The following FAF1 variants were observed in gnomAD, a reference collection of about 807,000 sequenced individuals.
FAF1 encodes the protein FAS-associated factor 1.
FAF1 carries 25 observed loss-of-function variants against 92.5 expected under a neutral mutation model. The observed-to-expected ratio is 0.27, with a 90% CI of 0.20 to 0.38. FAF1 has a LOEUF of 0.38. Among genes scored for constraint, FAF1 ranks in the 10% least tolerant of loss-of-function variants. The probability of loss-of-function intolerance (pLI) is 1.00; values close to 1 mark genes in which losing one functional copy is unlikely to be tolerated. For synonymous variants in FAF1, 234 were observed against 273.2 expected (o/e 0.86, Z 1.42); for missense variants, 636 against 793.3 (o/e 0.80, Z 2.38).
chr1:50,927,258 A>G (rs1382624217), intron 1 of FAF1, among the ~76,000 whole-genome samples: 1 of 152,202 alleles, frequency 6.6e-6, no homozygotes, highest in Non-Finnish European at 1.5e-5. Flanking sequence ...TATGTTATGT[A>G]TATTTTACCA....
In FAF1 at chr1:50,959,979, G is replaced by C. The variant is rs909674304; in HGVS notation, c.-168C>G. 1 of 391,500 alleles carries C rather than the reference G, an allele frequency of 2.6e-6. No homozygotes were observed. Among genetic ancestry groups the C allele is most frequent in the Non-Finnish European group, 4.4e-6 (1 of 225,794 alleles). The allele number at this position is 391,500 out of a possible 1,614,324, so 24.3% of individuals were successfully genotyped here. A position where few individuals can be genotyped will look rare whatever the true frequency, so the allele number is the denominator to read the frequency against. On this transcript the variant is annotated 5_prime_UTR_variant, in exon 1 of 19. Coordinates refer to ENST00000396153, the MANE Select transcript of FAF1 (RefSeq NM_007051.3). ...GCCAGCGGGCGGGGCAGCGCGGGAA[G>C]CGCTAGGCGCTCATGCACTCGGTAA...
intron 7 of FAF1, among the ~76,000 whole-genome samples, chr1:50,696,698 T>A (rs1005817788): frequency 1.3e-5 from 2 of 152,140 alleles, no homozygotes; most frequent in African/African-American, 4.8e-5. Flanking sequence ...ACAAACAGAA[T>A]TGGTTTCTCT....
chr1:50,721,289 G>C (rs1311698587), intron 6 of FAF1, among the ~76,000 whole-genome samples: 7 of 151,634 alleles, frequency 4.6e-5, no homozygotes, highest in African/African-American at 1.2e-4. Flanking sequence ...ATCTCTGCTC[G>C]CTGCAACCTC....
intron 1 of FAF1, among the ~76,000 whole-genome samples, chr1:50,947,560 A>G (rs1645180461): frequency 6.6e-6 from 1 of 152,282 alleles, no homozygotes; most frequent in Non-Finnish European, 1.5e-5. Context: ...TGACTTGAAA[A>G]TAAAATGTAT....
chr1:50,848,943 TAAG>T (rs1284795241), intron 2 of FAF1, among the ~76,000 whole-genome samples: 1 of 152,156 alleles, frequency 6.6e-6, no homozygotes, highest in African/African-American at 2.4e-5. Context: ...AATAGTCAGA[TAAG>T]GTCAGTAGTT....
At chr1:50,463,961 G>C (rs1210281413) in intron 18 of FAF1, among the ~76,000 whole-genome samples, 1 of 152,190 alleles carries the variant, frequency 6.6e-6, no homozygotes, top group East Asian at 1.9e-4. Flanking sequence ...GTAATGTTGA[G>C]AGAAGACAGA....
At chr1:50,607,905 A>T (rs755703764) in intron 8 of FAF1, among the ~76,000 whole-genome samples, 49 of 152,330 alleles carry the variant, frequency 3.2e-4, no homozygotes, top group Non-Finnish European at 6.8e-4. Context: ...GCGAGTCCCA[A>T]AACTAGGGCT....
chr1:50,749,842 G>A (rs1052583512), intron 4 of FAF1, among the ~76,000 whole-genome samples: 1 of 151,576 alleles, frequency 6.6e-6, no homozygotes, highest in African/African-American at 2.4e-5. Context: ...TCTGCAAAGT[G>A]GAAATGACAA....
chr1:50,951,217 G>A (rs930369696), intron 1 of FAF1, among the ~76,000 whole-genome samples: 18 of 152,186 alleles, frequency 1.2e-4, no homozygotes, highest in African/African-American at 2.9e-4. Flanking sequence ...CTGGGTGGCC[G>A]AATGAGACCC....
chr1:50,650,657 A>G (rs1311367877), intron 8 of FAF1, among the ~76,000 whole-genome samples: 3 of 152,118 alleles, frequency 2.0e-5, no homozygotes, highest in African/African-American at 7.2e-5. Context: ...AAAAACTGAA[A>G]GAGTTTTCTT....
chr1:50,942,478 G>A (rs866609384), intron 1 of FAF1, among the ~76,000 whole-genome samples: 2 of 152,218 alleles, frequency 1.3e-5, no homozygotes, highest in Middle Eastern at 3.4e-3. Context: ...GGAGGGGAAA[G>A]GGAAGGGAAG....
intron 1 of FAF1, among the ~76,000 whole-genome samples, chr1:50,903,327 A>C (rs889845668): frequency 3.9e-5 from 6 of 152,146 alleles, no homozygotes; most frequent in Admixed American, 2.6e-4. Context: ...TTTTCTTAGG[A>C]CTTTGTATCT....
chr1:50,920,191 C>T (rs1644951622), intron 1 of FAF1, among the ~76,000 whole-genome samples: 1 of 151,756 alleles, frequency 6.6e-6, no homozygotes, highest in African/African-American at 2.4e-5. Flanking sequence ...GTCCCAGCTA[C>T]TCGGGAGGCT....
At chr1:50,824,954 G>A (rs1463353406) in intron 2 of FAF1, among the ~76,000 whole-genome samples, 1 of 152,044 alleles carries the variant, frequency 6.6e-6, no homozygotes, top group Admixed American at 6.6e-5. Flanking sequence ...GTTGGGAAGG[G>A]TAGGAGAAAG....
intron 3 of FAF1, among the ~76,000 whole-genome samples, chr1:50,794,716 C>A (rs943339489): frequency 5.9e-5 from 9 of 152,014 alleles, no homozygotes; most frequent in African/African-American, 2.2e-4. Context: ...CTCTGCCTCC[C>A]AGGTTCAAGC....
chr1:50,676,164 C>T (rs530552707), intron 7 of FAF1, among the ~76,000 whole-genome samples: 40 of 151,136 alleles, frequency 2.6e-4, no homozygotes, highest in African/African-American at 8.3e-4. Context: ...CCCAGCACTT[C>T]GGGAGGCCGA....
At chr1:50,455,764 T>C (rs1299876152) in intron 18 of FAF1, among the ~76,000 whole-genome samples, 6 of 152,202 alleles carry the variant, frequency 3.9e-5, no homozygotes, top group Admixed American at 3.9e-4. Flanking sequence ...CCAGGAGACA[T>C]GGTTCCCAGC....
At chr1:50,635,420 G>C (rs769221398) in intron 8 of FAF1, among the ~76,000 whole-genome samples, 1 of 152,080 alleles carries the variant, frequency 6.6e-6, no homozygotes, top group Non-Finnish European at 1.5e-5. Context: ...AGAGTAATCT[G>C]GTTGTTGTTT....
chr1:50,452,287 G>A (rs1268957327), intron 18 of FAF1: 5 of 523,016 alleles, frequency 9.6e-6, no homozygotes, highest in East Asian at 5.8e-5. Context: ...CTGGACACAG[G>A]CAAATTCATA....
Sources: gnomAD v4.1 joint callset for allele counts (sites outside exome capture counted in the v4.1 genomes callset) on GRCh38, gnomAD v4.1.1 for gene constraint, MANE v1.5 for transcripts, NCBI Gene and HGNC (gene_info 2026-07-23, HGNC 2026-07-21) for gene names.